The following ATRNL1 variants were observed in gnomAD, a reference collection of about 807,000 sequenced individuals.
ATRNL1 encodes the protein attractin like 1, also known as attractin-like protein 1.
ATRNL1 carries 95 observed loss-of-function variants against 182.7 expected under a neutral mutation model. The observed-to-expected ratio is 0.52, with a 90% CI of 0.44 to 0.62. The LOEUF is 0.62. ATRNL1 is among the 20% of genes least tolerant of loss of function. The pLI is 0.00. For missense variants in ATRNL1, 1,471 were observed against 1,679.5 expected (o/e 0.88, Z 2.17); for synonymous variants, 576 against 568.3 (o/e 1.01, Z -0.19).
intron 7 of ATRNL1, among the ~76,000 whole-genome samples, chr10:115,165,952 G>T (rs577650698): frequency 6.6e-6 from 1 of 152,182 alleles, no homozygotes; most frequent in South Asian, 2.1e-4. Context: ...CTATTTTTAA[G>T]TATAGAGTTC....
chr10:115,584,619 G>A (rs1206837126), intron 26 of ATRNL1, among the ~76,000 whole-genome samples: 21 of 148,644 alleles, frequency 1.4e-4, no homozygotes, highest in Non-Finnish European at 2.5e-4. Context: ...TTTTTATTGC[G>A]TCTATTTGAT....
intron 28 of ATRNL1, among the ~76,000 whole-genome samples, chr10:115,894,821 T>C (rs1166671262): frequency 6.6e-6 from 1 of 152,148 alleles, no homozygotes; most frequent in African/African-American, 2.4e-5. Flanking sequence ...TGAAGTAACA[T>C]GTGGGGTCTC....
chr10:115,551,252 A>G (rs1431275942), intron 26 of ATRNL1, among the ~76,000 whole-genome samples: 2 of 151,662 alleles, frequency 1.3e-5, no homozygotes, highest in African/African-American at 2.4e-5. Flanking sequence ...ATTTTGGCTA[A>G]TATTGTATTA....
intron 25 of ATRNL1, among the ~76,000 whole-genome samples, chr10:115,525,970 C>T (rs1381875271): frequency 6.6e-6 from 1 of 152,098 alleles, no homozygotes; most frequent in Non-Finnish European, 1.5e-5. Context: ...TCAGTTGGGT[C>T]ATGCTGTGAT....
Position 115,093,967 on chromosome 10 carries a change from C to A in ATRNL1, c.217C>A (p.Arg73Ser). ...GAGGACCGGCTCCTGCTTCTCGGGC[C>A]GCTGTGTCAACTCCACCTGCCTCTG... ...CERTGSCFSG[R>S]CVNSTCLCDP... The change falls in exon 1 of 29, where the codon CGC (arginine) becomes AGC (serine). Residue 73 changes from arginine (R) to serine (S), a missense_variant. Around this residue, in one of 3 missense-constraint regions of ATRNL1, gnomAD observed 1,031 missense variants for 1,156.0 expected, o/e 0.89. Coordinates refer to ENST00000355044, the MANE Select transcript of ATRNL1 (RefSeq NM_207303.4). The surrounding 1 kb of genome is among the most constrained non-coding windows in gnomAD (Gnocchi z 6.1). 6.3e-7 allele frequency: 1 copy of A among 1,587,456 alleles called. No homozygotes were observed. The highest frequency in any genetic ancestry group is 8.6e-7 in the Non-Finnish European group (1 of 1,168,862).
At chr10:115,868,964 G>A (rs1951510224) in intron 28 of ATRNL1, among the ~76,000 whole-genome samples, 1 of 151,398 alleles carries the variant, frequency 6.6e-6, no homozygotes, top group African/African-American at 2.4e-5. Flanking sequence ...CGAGTAGCTG[G>A]GAGTACAGGC....
At chr10:115,303,221 G>GTTTTTGTT (rs781902037) in intron 17 of ATRNL1, among the ~76,000 whole-genome samples, 15 of 106,998 alleles carry the variant, frequency 1.4e-4, no homozygotes, top group African/African-American at 6.4e-4. Flanking sequence ...TGGTATGCAG[G>GTTTTTGTT]TTTTTTTTTT....
intron 28 of ATRNL1, among the ~76,000 whole-genome samples, chr10:115,939,322 ACCAGTTT>A: frequency 6.6e-6 from 1 of 152,282 alleles, no homozygotes; most frequent in Middle Eastern, 3.4e-3. Flanking sequence ...GTTAGCAAGG[ACCAGTTT>A]GAAAACACCA....
intron 26 of ATRNL1, among the ~76,000 whole-genome samples, chr10:115,720,537 C>A (rs959205110): frequency 1.3e-5 from 2 of 152,086 alleles, no homozygotes; most frequent in Non-Finnish European, 2.9e-5. Context: ...TAGTTTGTAC[C>A]ACCCTGCTCT....
chr10:115,637,372 T>G (rs1592987284), intron 26 of ATRNL1, among the ~76,000 whole-genome samples: 1 of 152,172 alleles, frequency 6.6e-6, no homozygotes, highest in East Asian at 1.9e-4. Context: ...TGAAGGGTAA[T>G]ATATGCATCT....
chr10:115,524,806 T>TG, intron 25 of ATRNL1, among the ~76,000 whole-genome samples: 1 of 152,328 alleles, frequency 6.6e-6, no homozygotes, highest in South Asian at 2.1e-4. Flanking sequence ...GAATTTGTTA[T>TG]GTGCCCCCAC....
chr10:115,859,819 A>G (rs1399013193), intron 28 of ATRNL1, among the ~76,000 whole-genome samples: 1 of 152,204 alleles, frequency 6.6e-6, no homozygotes, highest in Non-Finnish European at 1.5e-5. Flanking sequence ...AGCAAGTGCC[A>G]GCAGTAAAAA....
At chr10:115,493,634 A>T (rs1849416214) in intron 24 of ATRNL1, among the ~76,000 whole-genome samples, 1 of 152,162 alleles carries the variant, frequency 6.6e-6, no homozygotes, top group African/African-American at 2.4e-5. Context: ...CATACCCAAT[A>T]ATGGGATTGC....
intron 26 of ATRNL1, among the ~76,000 whole-genome samples, chr10:115,565,222 T>A (rs1255654475): frequency 5.9e-5 from 9 of 152,058 alleles, no homozygotes; most frequent in Non-Finnish European, 1.0e-4. Context: ...GGAAAATGAC[T>A]GAGAATTTCA....
intron 8 of ATRNL1, among the ~76,000 whole-genome samples, chr10:115,179,005 T>C (rs1847642854): frequency 6.6e-6 from 1 of 152,156 alleles, no homozygotes; most frequent in African/African-American, 2.4e-5. Flanking sequence ...GTATACTTTC[T>C]AGTAAAGGGC....
intron 27 of ATRNL1, among the ~76,000 whole-genome samples, chr10:115,817,792 ATT>A (rs1402407312): frequency 5.3e-5 from 8 of 150,850 alleles, no homozygotes; most frequent in African/African-American, 1.7e-4. Flanking sequence ...TTTGTTTTTA[ATT>A]GAGAGATATT....
chr10:115,638,733 A>C (rs1466292064), intron 26 of ATRNL1, among the ~76,000 whole-genome samples: 1 of 152,240 alleles, frequency 6.6e-6, no homozygotes, highest in Non-Finnish European at 1.5e-5. Flanking sequence ...AATCAAATGA[A>C]GATTATAAAA....
At chr10:115,290,846 T>C (rs2133950444) in intron 15 of ATRNL1, among the ~76,000 whole-genome samples, 1 of 152,256 alleles carries the variant, frequency 6.6e-6, no homozygotes, top group South Asian at 2.1e-4. Flanking sequence ...TCTGACCAGG[T>C]GTGTCATTTA....
At chr10:115,742,868 T>C (rs950696568) in intron 27 of ATRNL1, among the ~76,000 whole-genome samples, 2 of 152,108 alleles carry the variant, frequency 1.3e-5, no homozygotes, top group East Asian at 3.9e-4. Context: ...ACACTGCTAA[T>C]AAAGACATAC....
Sources: gnomAD v4.1 joint callset for allele counts (sites outside exome capture counted in the v4.1 genomes callset) on GRCh38, gnomAD v4.1.1 for gene constraint, gnomAD v4.1.1 regional missense constraint, Gnocchi (gnomAD v3.1) non-coding constraint, MANE v1.5 for transcripts, NCBI Gene and HGNC (gene_info 2026-07-23, HGNC 2026-07-21) for gene names.